The following INPP4B variants were observed in gnomAD, a reference collection of about 807,000 sequenced individuals.
INPP4B encodes inositol polyphosphate 4-phosphatase type II.
A neutral mutation model predicts 122.5 loss-of-function variants in INPP4B; 55 were observed. That is an observed-to-expected ratio of 0.45 (90% confidence interval 0.36 to 0.56). The LOEUF (loss-of-function observed/expected upper bound fraction) is 0.56. Among genes scored for constraint, INPP4B ranks in the 20% least tolerant of loss-of-function variants. The pLI is 0.00. For synonymous variants in INPP4B, 403 were observed against 388.7 expected (o/e 1.04, Z -0.43); for missense variants, 1,000 against 1,097.7 (o/e 0.91, Z 1.26).
At chr4:142,564,193 G>C (rs1731083890) in intron 2 of INPP4B, among the ~76,000 whole-genome samples, 1 of 152,054 alleles carries the variant, frequency 6.6e-6, no homozygotes, top group South Asian at 2.1e-4. Flanking sequence ...ATAGTCCTTT[G>C]GGGAAACAGA....
intron 14 of INPP4B, among the ~76,000 whole-genome samples, chr4:142,196,874 C>CA (rs1307540783): frequency 2.6e-5 from 4 of 151,924 alleles, no homozygotes; most frequent in African/African-American, 9.7e-5. Flanking sequence ...ATTGTAATCC[C>CA]AGCACTTTGG....
intron 2 of INPP4B, among the ~76,000 whole-genome samples, chr4:142,660,239 G>C (rs1283830573): frequency 1.3e-5 from 2 of 152,110 alleles, no homozygotes; most frequent in Non-Finnish European, 2.9e-5. Flanking sequence ...GACCTGCCAA[G>C]GTCACCAGGA....
intron 2 of INPP4B, among the ~76,000 whole-genome samples, chr4:142,536,189 T>A (rs1828172378): frequency 6.6e-6 from 1 of 152,214 alleles, no homozygotes; most frequent in South Asian, 2.1e-4. Context: ...TTCCCAATTA[T>A]CTGTATAAGA....
At chr4:142,629,550 T>A (rs1747442795) in intron 2 of INPP4B, among the ~76,000 whole-genome samples, 1 of 151,988 alleles carries the variant, frequency 6.6e-6, no homozygotes, top group Non-Finnish European at 1.5e-5. Flanking sequence ...GAGAACACAC[T>A]GAGGTGTTTT....
Position 142,395,014 on chromosome 4 carries a change from C to T in INPP4B, c.372+7924G>A, listed in dbSNP as rs114160573. ...TACCATCAAAAAGTCAGTCTTTCTC[C>T]ATGCAAACATCATTATTTCCTTGTG... is the stretch of plus-strand genomic sequence containing the variant. On this transcript the variant is annotated intron_variant, in intron 7 of 25. Transcript: ENST00000262992. Among the ~76,000 whole-genome samples, 794 of 152,310 alleles carry T rather than the reference C, an allele frequency of 5.2e-3. 8 individuals carry two copies. Among genetic ancestry groups the T allele is most frequent in the Non-Finnish European group, 7.5e-3 (507 of 68,032 alleles).
chr4:142,241,493 C>A (rs1859383170), intron 11 of INPP4B, among the ~76,000 whole-genome samples: 1 of 152,124 alleles, frequency 6.6e-6, no homozygotes, highest in African/African-American at 2.4e-5. Context: ...ACTCAAATTT[C>A]TATATTGTTT....
intron 2 of INPP4B, among the ~76,000 whole-genome samples, chr4:142,720,464 G>A (rs747934916): frequency 2.0e-4 from 30 of 151,668 alleles, no homozygotes; most frequent in South Asian, 4.2e-4. Flanking sequence ...CAGAATATGC[G>A]GATGTTCAAG....
At chr4:142,077,026 A>C (rs1405061280) in intron 25 of INPP4B, among the ~76,000 whole-genome samples, 1 of 152,062 alleles carries the variant, frequency 6.6e-6, no homozygotes, top group Non-Finnish European at 1.5e-5. Flanking sequence ...CAATTGGTTA[A>C]GAGTCATTTA....
chr4:142,528,803 G>C (rs1827241165), intron 2 of INPP4B, among the ~76,000 whole-genome samples: 1 of 152,050 alleles, frequency 6.6e-6, no homozygotes, highest in African/African-American at 2.4e-5. Context: ...ATAATTAACA[G>C]ACAAGCTATA....
intron 2 of INPP4B, among the ~76,000 whole-genome samples, chr4:142,524,764 A>G (rs1245576599): frequency 6.6e-6 from 1 of 152,002 alleles, no homozygotes; most frequent in Admixed American, 6.6e-5. Context: ...ATCTATGACA[A>G]ACCCACAGCC....
At position 142,031,128 on chromosome 4, in the gene INPP4B, T is replaced by TGAAATATACCATATTGATATAAATTGA. The variant is rs566771097; in HGVS notation, c.2643-2241_2643-2215dup. Among the ~76,000 whole-genome samples, 188 of 152,360 alleles carry TGAAATATACCATATTGATATAAATTGA rather than the reference T, an allele frequency of 1.2e-3. 2 individuals carry two copies. Among genetic ancestry groups the TGAAATATACCATATTGATATAAATTGA allele is most frequent in the South Asian group, 0.011 (53 of 4,826 alleles). On this transcript the variant is annotated intron_variant, in intron 25 of 25. Transcript: ENST00000262992. ...AAAGCAGCTCCAATTATGGCCAGTC[T>TGAAATATACCATATTGATATAAATTGA]GAAATATACCATATTGATATAAATT... is the stretch of plus-strand genomic sequence containing the variant.
intron 1 of INPP4B, among the ~76,000 whole-genome samples, chr4:142,730,390 T>C (rs1765910387): frequency 6.6e-6 from 1 of 152,186 alleles, no homozygotes; most frequent in Admixed American, 6.5e-5. Context: ...TTTAAAGGTG[T>C]CCTATACATT....
chr4:142,176,154 A>ATTATTATTAT, intron 15 of INPP4B, among the ~76,000 whole-genome samples: 1 of 145,234 alleles, frequency 6.9e-6, no homozygotes, highest in African/African-American at 2.5e-5. Context: ...TATTATTATT[A>ATTATTATTAT]TACTTTAAGT....
intron 8 of INPP4B, among the ~76,000 whole-genome samples, chr4:142,309,921 C>A (rs77051543): frequency 0.028 from 4,211 of 152,236 alleles, 167 homozygotes; most frequent in African/African-American, 0.093. Flanking sequence ...ATAGTGTAAC[C>A]CACCAGCCCC....
At chr4:142,080,851 C>T (rs1025897432) in intron 25 of INPP4B, among the ~76,000 whole-genome samples, 1 of 152,104 alleles carries the variant, frequency 6.6e-6, no homozygotes, top group Non-Finnish European at 1.5e-5. Context: ...TCTTTTTCTG[C>T]AGATTTGAAG....
At chr4:142,116,575 C>T (rs1407606916) in intron 21 of INPP4B, among the ~76,000 whole-genome samples, 1 of 151,986 alleles carries the variant, frequency 6.6e-6, no homozygotes, top group East Asian at 1.9e-4. Context: ...GGGTACATAA[C>T]GAAATGAAAG....
chr4:142,065,699 G>A (rs183385286), intron 25 of INPP4B, among the ~76,000 whole-genome samples: 5 of 152,248 alleles, frequency 3.3e-5, no homozygotes, highest in Non-Finnish European at 7.4e-5. Context: ...GGGAGACACT[G>A]GTAATGGAAA....
chr4:142,786,587 G>A (rs1004299697), intron 1 of INPP4B, among the ~76,000 whole-genome samples: 8 of 152,072 alleles, frequency 5.3e-5, no homozygotes, highest in African/African-American at 1.9e-4. Context: ...AAAATGAAGA[G>A]AGAGAGAAAA....
intron 2 of INPP4B, among the ~76,000 whole-genome samples, chr4:142,595,033 T>C (rs1032034988): frequency 6.6e-6 from 1 of 152,064 alleles, no homozygotes; most frequent in Admixed American, 6.6e-5. Context: ...CATTTTTATT[T>C]ATTTGACTAT....
Sources: gnomAD v4.1 joint callset for allele counts (sites outside exome capture counted in the v4.1 genomes callset) on GRCh38, gnomAD v4.1.1 for gene constraint, MANE v1.5 for transcripts, NCBI Gene and HGNC (gene_info 2026-07-23, HGNC 2026-07-21) for gene names.